KCNN2: variants seen among roughly 807,000 people sequenced by gnomAD.
KCNN2 encodes potassium calcium-activated channel subfamily N member 2, also known as small conductance calcium-activated potassium channel protein 2.
In KCNN2, 24 loss-of-function variants were observed where a neutral mutation model predicts 55.5. That is an observed-to-expected ratio of 0.43 (90% CI 0.31 to 0.61). The LOEUF is 0.61. KCNN2 is among the 20% of genes least tolerant of loss of function. The pLI, the probability that KCNN2 is intolerant of heterozygous loss-of-function variation, is 0.08. For synonymous variants in KCNN2, 431 were observed against 336.1 expected, an observed-to-expected ratio of 1.28 and a Z score of -3.09; for missense variants, 754 against 853.6, an observed-to-expected ratio of 0.88 and a Z score of 1.45.
chr5:114,364,089 A>C, intron 2 of KCNN2, 88 bp downstream of exon 2: 1 of 924,348 alleles, frequency 1.1e-6, no homozygotes. Flanking sequence ...TTTTCAAGCC[A>C]TCATGTCCTT....
intron 2 of KCNN2, among the ~76,000 whole-genome samples, chr5:114,274,379 A>T (rs3101074): frequency 6.6e-5 from 10 of 152,120 alleles, no homozygotes; most frequent in South Asian, 2.1e-4. Context: ...GAGTAAAGTC[A>T]GTGGTAGCTT....
intron 2 of KCNN2, among the ~76,000 whole-genome samples, chr5:114,285,740 C>G (rs1755731476): frequency 6.6e-6 from 1 of 152,050 alleles, no homozygotes; most frequent in South Asian, 2.1e-4. Context: ...CTTTAAACTG[C>G]TACTGTAGAG....
chr5:114,493,251 C>G lies in KCNN2; in HGVS notation c.2019-152C>G, dbSNP rs942656508. The G allele has an allele frequency of 9.9e-6, 7 of 710,330 alleles. No individual in the cohort carries two copies. The African/African-American group carries it at 1.2e-4, about 12-fold the overall frequency. The allele number at this position is 710,330 out of a possible 1,614,324, so 44.0% of individuals were successfully genotyped here. A position where few individuals can be genotyped will look rare whatever the true frequency, so the allele number is the denominator to read the frequency against. ...TTGGGGAAGCATGCTTCTCATTGTACCAGACACATAACCAGTTTGGACTTA... is the reference window on the plus strand; with the variant it reads ...TTGGGGAAGCATGCTTCTCATTGTAGCAGACACATAACCAGTTTGGACTTA... On this transcript the variant is annotated intron_variant, in intron 6 of 7. Transcript: ENST00000673685.
At chr5:114,432,749 G>A (rs960054637) in intron 3 of KCNN2, among the ~76,000 whole-genome samples, 3 of 152,182 alleles carry the variant, frequency 2.0e-5, no homozygotes, top group Admixed American at 6.5e-5. Context: ...CCGGGTGGGC[G>A]TGGGCTTGGC....
At chr5:114,483,081 C>A (rs1334308874) in intron 5 of KCNN2, among the ~76,000 whole-genome samples, 2 of 151,668 alleles carry the variant, frequency 1.3e-5, no homozygotes, top group Non-Finnish European at 2.9e-5. Flanking sequence ...GCCTCAAGTG[C>A]TTTGGTGATC....
chr5:114,236,955 A>AAT (rs560565762), intron 2 of KCNN2, among the ~76,000 whole-genome samples: 37 of 152,206 alleles, frequency 2.4e-4, no homozygotes, highest in African/African-American at 8.7e-4. Context: ...CTTTCGGTAA[A>AAT]ATATACCACA....
chr5:114,462,755 C>T (rs970466882), intron 3 of KCNN2, among the ~76,000 whole-genome samples: 9 of 152,280 alleles, frequency 5.9e-5, no homozygotes, highest in African/African-American at 1.9e-4. Flanking sequence ...GAGACACGGG[C>T]AGGGGCCGGA....
intron 2 of KCNN2, among the ~76,000 whole-genome samples, chr5:114,267,200 G>A (rs1484668652): frequency 6.6e-6 from 1 of 152,060 alleles, no homozygotes; most frequent in Non-Finnish European, 1.5e-5. Context: ...TCACCATATT[G>A]GCCAGGATGG....
chr5:114,192,867 C>T (rs1171470168), intron 1 of KCNN2, among the ~76,000 whole-genome samples: 3 of 152,052 alleles, frequency 2.0e-5, no homozygotes, highest in Non-Finnish European at 4.4e-5. Flanking sequence ...TGCCCCCAGC[C>T]TTCCTCTTCA....
rs11295961 is a variant in KCNN2, at chr5:114,491,509, CTT to C, written c.2019-1879_2019-1878del. ...GCTCTGAGCTGAGATTCTGCTTTTTCTTTTTTTTTTTTTTTTAAAAAAAGAAA... is the reference window on the plus strand; with the variant it reads ...GCTCTGAGCTGAGATTCTGCTTTTTCTTTTTTTTTTTTTTAAAAAAAGAAA... On this transcript the variant is annotated intron_variant, in intron 6 of 7. Transcript: ENST00000673685. 5.6e-3 allele frequency among the ~76,000 whole-genome samples: 614 copies of C among 109,586 alleles called. 2 individuals carry two copies. The highest frequency in any genetic ancestry group is 0.014 in the South Asian group (48 of 3,322). The allele number at this position is 109,586 out of a possible 152,430, so 71.9% of individuals were successfully genotyped here.
chr5:114,250,085 A>G (rs13172436), intron 2 of KCNN2, among the ~76,000 whole-genome samples: 59,720 of 152,006 alleles, frequency 0.39, 12,323 homozygotes, highest in Middle Eastern at 0.54. Context: ...GAGCCTGCTA[A>G]GAGCCTAGGA....
At chr5:114,337,730 C>T (rs36952) in intron 2 of KCNN2, among the ~76,000 whole-genome samples, 112,972 of 151,992 alleles carry the variant, frequency 0.74, 42,289 homozygotes, top group East Asian at 0.97. Flanking sequence ...ACTCTTGGCT[C>T]ATATTGAATT....
chr5:114,466,700 T>G (rs928779608), intron 4 of KCNN2, among the ~76,000 whole-genome samples: 1 of 152,148 alleles, frequency 6.6e-6, no homozygotes, highest in African/African-American at 2.4e-5. Flanking sequence ...CTGGATTTTT[T>G]GGTTTAATTA....
chr5:114,062,315 A>G (rs943477896), intron 1 of KCNN2, among the ~76,000 whole-genome samples: 3 of 152,204 alleles, frequency 2.0e-5, no homozygotes, highest in Admixed American at 2.0e-4. Flanking sequence ...CCTGCCAGAC[A>G]TGCAGTGCAG....
chr5:114,360,182 A>G (rs558997594), upstream of KCNN2, among the ~76,000 whole-genome samples: 80 of 152,226 alleles, frequency 5.3e-4, no homozygotes, highest in African/African-American at 1.6e-3. Flanking sequence ...GCAGCTGTGC[A>G]CCCCCCACCC....
intron 3 of KCNN2, among the ~76,000 whole-genome samples, chr5:114,447,508 A>T (rs2150100155): frequency 6.6e-6 from 1 of 152,340 alleles, no homozygotes; most frequent in East Asian, 1.9e-4. Flanking sequence ...GAGATGACTG[A>T]CAAACATTTT....
intron 1 of KCNN2, among the ~76,000 whole-genome samples, chr5:114,155,287 A>G (rs1377552165): frequency 6.6e-6 from 1 of 152,102 alleles, no homozygotes; most frequent in Non-Finnish European, 1.5e-5. Context: ...CCAGTCTGTG[A>G]TTGATGGGCA....
chr5:114,215,248 C>G (rs1180263335), intron 1 of KCNN2, among the ~76,000 whole-genome samples: 1 of 152,114 alleles, frequency 6.6e-6, no homozygotes, highest in East Asian at 1.9e-4. Flanking sequence ...TAACCAGGAT[C>G]CAAAGCTCAG....
chr5:114,385,974 C>T (rs1439198814), intron 2 of KCNN2, among the ~76,000 whole-genome samples: 2 of 151,188 alleles, frequency 1.3e-5, no homozygotes, highest in Non-Finnish European at 2.9e-5. Flanking sequence ...GTCAGGAAAT[C>T]GAGACCAGCC....
Sources: allele counts gnomAD v4.1 joint callset (sites outside exome capture counted in the v4.1 genomes callset), GRCh38; gene constraint gnomAD v4.1.1; transcripts MANE v1.5; gene names NCBI Gene and HGNC (gene_info 2026-07-23, HGNC 2026-07-21).